The following GABBR2 variants were observed in gnomAD, a reference collection of about 807,000 sequenced individuals.
GABBR2 encodes gamma-aminobutyric acid type B receptor subunit 2.
Under a neutral mutation model 105.6 loss-of-function variants are expected in GABBR2, and 23 were observed. The ratio of observed to expected loss-of-function variants is 0.22; its 90% confidence interval spans 0.16 to 0.31. The LOEUF (loss-of-function observed/expected upper bound fraction) is 0.31. GABBR2 is among the 10% of genes least tolerant of loss of function. GABBR2 has a pLI of 1.00. For missense variants in GABBR2, 734 were observed against 1,245.5 expected (o/e 0.59, Z 6.18); for synonymous variants, 478 against 499.7 (o/e 0.96, Z 0.58).
At chr9:98,331,393 CTTCTTTTTTTT>C (rs1831022263) in intron 13 of GABBR2, among the ~76,000 whole-genome samples, 1 of 105,704 alleles carries the variant, frequency 9.5e-6, no homozygotes, top group African/African-American at 3.9e-5. Context: ...AAAAGTCCCT[CTTCTTTTTTTT>C]TTTTTTTTTT....
intron 1 of GABBR2, among the ~76,000 whole-genome samples, chr9:98,655,573 C>T (rs1451238170): frequency 1.3e-5 from 2 of 152,136 alleles, no homozygotes; most frequent in Admixed American, 6.5e-5. Flanking sequence ...ATAGCAAGGA[C>T]TTGAAACCAA....
chr9:98,591,455 T>C (rs1395365832), intron 1 of GABBR2, among the ~76,000 whole-genome samples: 3 of 151,950 alleles, frequency 2.0e-5, no homozygotes, highest in Non-Finnish European at 4.4e-5. Flanking sequence ...ACCAGGGGAG[T>C]GCCGAGAGGG....
At chr9:98,291,635 G>C (rs1830304532) in intron 18 of GABBR2, among the ~76,000 whole-genome samples, 1 of 152,210 alleles carries the variant, frequency 6.6e-6, no homozygotes, top group Non-Finnish European at 1.5e-5. Context: ...GGCCCCCTAA[G>C]TTCCATCTTT....
intron 13 of GABBR2, 129 bp from the exon 14 acceptor site, chr9:98,311,334 C>T: frequency 4.8e-6 from 3 of 621,858 alleles, no homozygotes; most frequent in Admixed American, 2.7e-5. Flanking sequence ...GCCATTTGGA[C>T]CCCATCTCTG....
intron 7 of GABBR2, among the ~76,000 whole-genome samples, chr9:98,446,338 T>G (rs951494867): frequency 1.3e-5 from 2 of 152,190 alleles, no homozygotes; most frequent in Non-Finnish European, 2.9e-5. Context: ...ACAGCCACAC[T>G]TTGAAAGAAG....
Position 98,586,100 on chromosome 9 carries a change from TCA to T in GABBR2, c.322-8030_322-8029del, listed in dbSNP as rs535839425. Among the ~76,000 whole-genome samples, 4 of 152,210 alleles carry T rather than the reference TCA, an allele frequency of 2.6e-5. No homozygotes were observed. The South Asian group carries it at 8.3e-4, about 32-fold the overall frequency. Reference sequence around the variant, plus strand: ...AAGAATGTGCTGTGAAATATTTCACTCACAGAAAATATTCCATATACAATAAC... The same window carrying T: ...AAGAATGTGCTGTGAAATATTTCACTCAGAAAATATTCCATATACAATAAC... On this transcript the variant is annotated intron_variant, in intron 1 of 18. Coordinates refer to ENST00000259455, the MANE Select transcript of GABBR2 (RefSeq NM_005458.8).
intron 13 of GABBR2, among the ~76,000 whole-genome samples, chr9:98,328,496 G>T (rs750688159): frequency 1.3e-5 from 2 of 152,166 alleles, no homozygotes; most frequent in Non-Finnish European, 2.9e-5. Context: ...CAAAATGGGT[G>T]CACGTTGCAA....
In GABBR2 at chr9:98,420,625, C is replaced by A. The variant is rs118181104; in HGVS notation, c.1237-14484G>T. On this transcript the variant is annotated intron_variant, in intron 7 of 18. Transcript: ENST00000259455. Reference sequence around the variant, plus strand: ...TATAGATAACCACAGCACAAAGGCACGAGTGCCCTGATTGGCAGAGGGCCT... The same window carrying A: ...TATAGATAACCACAGCACAAAGGCAAGAGTGCCCTGATTGGCAGAGGGCCT... 4.8e-3 allele frequency among the ~76,000 whole-genome samples: 725 copies of A among 152,324 alleles called. 4 individuals carry two copies. Among genetic ancestry groups the A allele is most frequent in the Non-Finnish European group, 8.6e-3 (587 of 68,030 alleles).
At chr9:98,510,765 A>G (rs1009786103) in intron 3 of GABBR2, among the ~76,000 whole-genome samples, 1 of 152,086 alleles carries the variant, frequency 6.6e-6, no homozygotes, top group Admixed American at 6.5e-5. Context: ...ACCCAGATTC[A>G]TAAAGCAAGT....
chr9:98,611,706 C>T (rs568719871), intron 1 of GABBR2, among the ~76,000 whole-genome samples: 7 of 152,164 alleles, frequency 4.6e-5, no homozygotes, highest in Non-Finnish European at 1.0e-4. Flanking sequence ...GAAAAGCCTC[C>T]CCAATTCTGG....
At chr9:98,299,202 T>G in intron 17 of GABBR2, 22 bp downstream of exon 17, 1 of 1,611,310 alleles carries the variant, frequency 6.2e-7, no homozygotes, top group Non-Finnish European at 8.5e-7. Flanking sequence ...CCTACCACAT[T>G]CTGGGGCCCT....
intron 12 of GABBR2, among the ~76,000 whole-genome samples, chr9:98,366,228 A>C (rs1831673772): frequency 6.6e-6 from 1 of 152,160 alleles, no homozygotes; most frequent in African/African-American, 2.4e-5. Context: ...AGCGATTTTT[A>C]CTAAATGTGA....
intron 1 of GABBR2, among the ~76,000 whole-genome samples, chr9:98,579,014 G>A (rs901233550): frequency 3.9e-5 from 6 of 152,196 alleles, no homozygotes; most frequent in Admixed American, 2.0e-4. Flanking sequence ...GGGGATGATG[G>A]AAGTGTGTTG....
intron 1 of GABBR2, among the ~76,000 whole-genome samples, chr9:98,591,527 G>T (rs1211803065): frequency 6.6e-6 from 1 of 152,192 alleles, no homozygotes; most frequent in Non-Finnish European, 1.5e-5. Context: ...AGACCCAATG[G>T]GGAGGAAGGA....
intron 1 of GABBR2, among the ~76,000 whole-genome samples, chr9:98,675,231 T>C (rs946220000): frequency 5.3e-5 from 8 of 152,142 alleles, no homozygotes; most frequent in South Asian, 2.1e-4. Context: ...CACGGCAGGA[T>C]GGCAATGGTG....
At chr9:98,374,644 C>T (rs1045705677) in intron 11 of GABBR2, among the ~76,000 whole-genome samples, 1 of 152,198 alleles carries the variant, frequency 6.6e-6, no homozygotes, top group African/African-American at 2.4e-5. Context: ...CTGGGCGTGT[C>T]ATCTCTAATG....
intron 1 of GABBR2, among the ~76,000 whole-genome samples, chr9:98,661,593 G>A (rs148280694): frequency 0.013 from 1,933 of 152,100 alleles, 47 homozygotes; most frequent in African/African-American, 0.045. Flanking sequence ...TAGAGGCAGG[G>A]TTTCACCATG....
intron 2 of GABBR2, among the ~76,000 whole-genome samples, chr9:98,574,589 T>G (rs1339622018): frequency 1.3e-5 from 2 of 152,218 alleles, no homozygotes; most frequent in Admixed American, 1.3e-4. Flanking sequence ...AATAATGAAA[T>G]AATACATAAT....
At chr9:98,413,379 GAT>G (rs1832623213) in intron 7 of GABBR2, among the ~76,000 whole-genome samples, 1 of 152,026 alleles carries the variant, frequency 6.6e-6, no homozygotes, top group Non-Finnish European at 1.5e-5. Flanking sequence ...GGGATGGCAG[GAT>G]ATAAAAGAGA....
Sources: gnomAD v4.1 joint callset for allele counts (sites outside exome capture counted in the v4.1 genomes callset) on GRCh38, gnomAD v4.1.1 for gene constraint, MANE v1.5 for transcripts, NCBI Gene and HGNC (gene_info 2026-07-23, HGNC 2026-07-21) for gene names.